The following SUN1 variants were observed in gnomAD, a reference collection of about 807,000 sequenced individuals.
The protein encoded by SUN1 is SUN domain-containing protein 1.
In SUN1, 61 loss-of-function variants were observed where a neutral mutation model predicts 103.2. That is an observed-to-expected ratio of 0.59 (90% CI 0.48 to 0.73). SUN1 has a LOEUF of 0.73. Among genes scored for constraint, SUN1 ranks in the 30% least tolerant of loss-of-function variants. SUN1 has a pLI of 0.00. For synonymous variants in SUN1, 490 were observed against 425.7 expected, an observed-to-expected ratio of 1.15 and a Z score of -1.86; for missense variants, 1,052 against 1,034.6, an observed-to-expected ratio of 1.02 and a Z score of -0.23.
At chr7:816,535 T>A, upstream of SUN1, 1 of 348,722 alleles carries the variant, frequency 2.9e-6, no homozygotes, top group Non-Finnish European at 5.5e-6. Context: ...ACGCTTCGGG[T>A]GGCGCGCTCG....
intron 15 of SUN1, among the ~76,000 whole-genome samples, chr7:864,920 C>T (rs1835227875): frequency 6.6e-6 from 1 of 151,948 alleles, no homozygotes; most frequent in Non-Finnish European, 1.5e-5. Context: ...TGAGCCACTG[C>T]ACTCTGCCTC....
intron 11 of SUN1, among the ~76,000 whole-genome samples, chr7:855,942 A>C (rs1016211277): frequency 7.2e-5 from 11 of 152,258 alleles, no homozygotes; most frequent in Middle Eastern, 3.4e-3. Context: ...GGAGACCTCC[A>C]TGGAGTGAGA....
chr7:843,470 C>T lies in SUN1; in HGVS notation c.608C>T (p.Ala203Val), dbSNP rs144929525. ...ERKDVLTAHP[A>V]APGPVSRVYS... ...AAGGACGTGCTCACGGCGCACCCCG[C>T]GGCCCCCGGGCCCGTGTCGAGAGTT... Residue 203 changes from alanine to valine, a missense_variant, in exon 5 of 19, where the codon GCG becomes GTG. By Grantham distance (64) the Ala-to-Val change is moderately conservative. Coordinates refer to ENST00000401592, the MANE Select transcript of SUN1 (RefSeq NM_001130965.3). 10,753 of 1,614,090 alleles carry T rather than the reference C, an allele frequency of 6.7e-3. 48 individuals carry two copies. Among genetic ancestry groups the T allele is most frequent in the Non-Finnish European group, 7.9e-3 (9,334 of 1,179,946 alleles).
intron 5 of SUN1, chr7:848,591 A>G (rs1818809215): frequency 7.4e-7 from 1 of 1,344,464 alleles, no homozygotes; most frequent in African/African-American, 1.5e-5. Context: ...CGAAAGCTAT[A>G]AGTCAAAAAG....
intron 1 of SUN1, among the ~76,000 whole-genome samples, chr7:838,518 A>T (rs1015499913): frequency 7.9e-5 from 12 of 152,162 alleles, no homozygotes; most frequent in African/African-American, 2.9e-4. Context: ...ATATGCCCTC[A>T]AGCAGTTCTT....
At chr7:847,068 A>G (rs1028454264) in intron 5 of SUN1, among the ~76,000 whole-genome samples, 4 of 152,226 alleles carry the variant, frequency 2.6e-5, no homozygotes, top group Non-Finnish European at 4.4e-5. Context: ...CCAGTGTCCC[A>G]TTCTTAAGCT....
rs769627544 is a variant in SUN1 at position 852,029 on chromosome 7, G to A, written c.837G>A (p.Val279=). The A allele has an allele frequency of 6.2e-7, 1 of 1,614,018 alleles. No homozygotes were observed. The highest frequency in any genetic ancestry group is 8.5e-7 in the Non-Finnish European group (1 of 1,179,992). Residue 279 remains valine, a synonymous_variant, in exon 7 of 19, where the codon GTG becomes GTA. Coordinates refer to ENST00000401592, the MANE Select transcript of SUN1 (RefSeq NM_001130965.3). ...QFVTLISWLN[V]FLLTRCLRNI... is the part of the protein sequence containing the mutation. The stretch of plus-strand genomic sequence containing the variant: ...TTACTTTGATTTCTTGGCTGAATGT[G>A]TTTCTTCTTACCAGGTAAGGAAATG...
intron 1 of SUN1, among the ~76,000 whole-genome samples, chr7:824,230 A>G (rs1270894399): frequency 6.6e-6 from 1 of 152,244 alleles, no homozygotes; most frequent in Non-Finnish European, 1.5e-5. Flanking sequence ...GCTGAGAAAC[A>G]CAAAAAGATG....
At chr7:852,577 T>G (rs757332500) in intron 7 of SUN1, 32 bp from the exon 8 acceptor site, 30 of 1,614,042 alleles carry the variant, frequency 1.9e-5, no homozygotes, top group Non-Finnish European at 2.5e-5. Context: ...TTTCATTTTT[T>G]CTAAGTCAAA....
rs1362013228 is a variant in SUN1 at position 869,476 on chromosome 7, C to G, written c.2108C>G (p.Thr703Arg). 3.1e-6 allele frequency: 5 copies of G among 1,613,888 alleles called. No homozygotes were observed. Among genetic ancestry groups the G allele is most frequent in the Non-Finnish European group, 4.2e-6 (5 of 1,179,850 alleles). Residue 703 changes from threonine (T) to arginine (R), a missense_variant, in exon 17 of 19, where the codon ACA (threonine) becomes AGA (arginine). Physicochemically the swap from Thr to Arg is moderately conservative, Grantham distance 71. Around this residue, in one of 2 missense-constraint regions of SUN1, gnomAD observed 206 missense variants for 260.1 expected, o/e 0.79. Coordinates refer to ENST00000401592, the MANE Select transcript of SUN1 (RefSeq NM_001130965.3). The part of the protein sequence containing the change: ...LEHIPKTLSP[T>R]GNISSAPKDF... ...CACATCCCTAAGACGCTGTCGCCAA[C>G]AGGCAACATCAGCAGCGCCCCCAAG...
At chr7:852,333 T>A (rs1397825077) in intron 7 of SUN1, 1 of 594,124 alleles carries the variant, frequency 1.7e-6, no homozygotes, top group Non-Finnish European at 3.0e-6. Context: ...CCCAGTGGCA[T>A]CAGTCACCTC....
At chr7:866,480 G>T (rs1234019573) in intron 16 of SUN1, among the ~76,000 whole-genome samples, 1 of 151,922 alleles carries the variant, frequency 6.6e-6, no homozygotes, top group Non-Finnish European at 1.5e-5. Flanking sequence ...CTCGGCATGG[G>T]CCTTCACCCC....
intron 15 of SUN1, among the ~76,000 whole-genome samples, chr7:862,348 C>A (rs1008023203): frequency 6.6e-6 from 1 of 152,076 alleles, no homozygotes; most frequent in Non-Finnish European, 1.5e-5. Context: ...CATGTGGTTG[C>A]GCAGGATCCT....
At chr7:850,292 G>A in intron 5 of SUN1, 2 of 435,272 alleles carry the variant, frequency 4.6e-6, no homozygotes, top group Non-Finnish European at 8.4e-6. Context: ...TCCACCTCCA[G>A]AGTTCAAGCA....
At chr7:864,835 G>T (rs1002370025) in intron 15 of SUN1, among the ~76,000 whole-genome samples, 7 of 152,070 alleles carry the variant, frequency 4.6e-5, no homozygotes, top group Admixed American at 2.0e-4. Flanking sequence ...CACCATGTTG[G>T]TCAGGCTGGT....
chr7:850,137 A>C, intron 5 of SUN1: 2 of 1,049,674 alleles, frequency 1.9e-6, no homozygotes, highest in Non-Finnish European at 2.8e-6. Context: ...TCTTGCTGTA[A>C]AAACTGACAG....
intron 11 of SUN1, among the ~76,000 whole-genome samples, chr7:856,123 T>C (rs1197175854): frequency 6.6e-6 from 1 of 152,222 alleles, no homozygotes; most frequent in African/African-American, 2.4e-5. Context: ...AGGAGCTGCA[T>C]GTTCTGAGCC....
chr7:863,720 G>A (rs1834092342), intron 15 of SUN1, among the ~76,000 whole-genome samples: 1 of 152,214 alleles, frequency 6.6e-6, no homozygotes, highest in Admixed American at 6.5e-5. Context: ...TTCAGGGCCT[G>A]AGAGCTCACC....
intron 13 of SUN1, among the ~76,000 whole-genome samples, chr7:858,634 G>A (rs1031395580): frequency 8.5e-5 from 13 of 152,118 alleles, no homozygotes; most frequent in African/African-American, 1.7e-4. Context: ...TCTGTTTCGT[G>A]TCGAAACATA....
Sources: allele counts gnomAD v4.1 joint callset (sites outside exome capture counted in the v4.1 genomes callset), GRCh38; gene constraint gnomAD v4.1.1; regional missense constraint gnomAD v4.1.1; transcripts MANE v1.5; gene names NCBI Gene and HGNC (gene_info 2026-07-23, HGNC 2026-07-21).